NR6A1: variants seen among roughly 807,000 people sequenced by gnomAD.
NR6A1 encodes retinoic acid receptor-related testis-associated receptor.
A neutral mutation model predicts 59.1 loss-of-function variants in NR6A1; 7 were observed. That is an observed-to-expected ratio of 0.12 (90% CI 0.07 to 0.22). The LOEUF (loss-of-function observed/expected upper bound fraction) is 0.22. Among genes scored for constraint, NR6A1 ranks in the 10% least tolerant of loss-of-function variants. The pLI is 1.00. For missense variants in NR6A1, 468 were observed against 611.6 expected (o/e 0.77, Z 2.48); for synonymous variants, 243 against 236.1 (o/e 1.03, Z -0.27).
intron 3 of NR6A1, among the ~76,000 whole-genome samples, chr9:124,546,892 T>C (rs1213194999): frequency 6.6e-6 from 1 of 152,242 alleles, no homozygotes; most frequent in African/African-American, 2.4e-5. Flanking sequence ...CACGCATTTT[T>C]GAGATGAGGA....
chr9:124,635,629 C>G (rs1297948518), intron 2 of NR6A1, among the ~76,000 whole-genome samples: 2 of 152,178 alleles, frequency 1.3e-5, no homozygotes, highest in Non-Finnish European at 2.9e-5. Flanking sequence ...AGTATGTAGC[C>G]TTTTAAGACT....
chr9:124,770,587 C>G (rs1395433667), intron 1 of NR6A1, among the ~76,000 whole-genome samples: 1 of 149,402 alleles, frequency 6.7e-6, no homozygotes, highest in Non-Finnish European at 1.5e-5. Context: ...AGGGGATGCC[C>G]CCACTGACGG....
intron 1 of NR6A1, among the ~76,000 whole-genome samples, chr9:124,762,479 A>T (rs1414468094): frequency 6.6e-6 from 1 of 152,162 alleles, no homozygotes; most frequent in Non-Finnish European, 1.5e-5. Flanking sequence ...TTGTTGTTGA[A>T]GCACAGGCAG....
chr9:124,756,416 T>A (rs1388442350), intron 1 of NR6A1, among the ~76,000 whole-genome samples: 1 of 152,246 alleles, frequency 6.6e-6, no homozygotes, highest in Non-Finnish European at 1.5e-5. Flanking sequence ...CAAATGTTCA[T>A]GTTTACTTTC....
At chr9:124,554,882 T>G (rs1166085854) in intron 2 of NR6A1, among the ~76,000 whole-genome samples, 1 of 152,186 alleles carries the variant, frequency 6.6e-6, no homozygotes, top group Non-Finnish European at 1.5e-5. Context: ...ACCCATCAAT[T>G]CTACCCTGTA....
intron 2 of NR6A1, among the ~76,000 whole-genome samples, chr9:124,672,576 C>G (rs1402403175): frequency 6.6e-6 from 1 of 151,790 alleles, no homozygotes; most frequent in Non-Finnish European, 1.5e-5. Context: ...GATCATGCCA[C>G]TGCACTCCAG....
chr9:124,731,950 G>A (rs9299300), intron 2 of NR6A1, among the ~76,000 whole-genome samples: 17,357 of 152,078 alleles, frequency 0.11, 2,641 homozygotes, highest in African/African-American at 0.34. Context: ...AGGGTCAACC[G>A]TACTATATAC....
chr9:124,708,453 G>T (rs1482712809), intron 2 of NR6A1, among the ~76,000 whole-genome samples: 6 of 152,154 alleles, frequency 3.9e-5, no homozygotes, highest in African/African-American at 1.2e-4. Flanking sequence ...TGGGGAGAGA[G>T]AATTTTTTGA....
At chr9:124,650,381 A>C (rs1221737105) in intron 2 of NR6A1, among the ~76,000 whole-genome samples, 1 of 152,234 alleles carries the variant, frequency 6.6e-6, no homozygotes, top group East Asian at 1.9e-4. Flanking sequence ...GCTTAAAAAA[A>C]AACAACTGAT....
At chr9:124,575,946 A>G (rs1472791443) in intron 2 of NR6A1, among the ~76,000 whole-genome samples, 1 of 152,206 alleles carries the variant, frequency 6.6e-6, no homozygotes, top group Non-Finnish European at 1.5e-5. Context: ...TGTATGAAGG[A>G]GCGCCCAGGA....
chr9:124,595,629 G>T, intron 2 of NR6A1: 1 of 457,894 alleles, frequency 2.2e-6, no homozygotes, highest in Non-Finnish European at 4.2e-6. Flanking sequence ...GCTGAACTCT[G>T]CGAAGACACA....
chr9:124,648,498 T>C (rs945560853), intron 2 of NR6A1, among the ~76,000 whole-genome samples: 6 of 152,190 alleles, frequency 3.9e-5, no homozygotes, highest in African/African-American at 1.4e-4. Context: ...AACTCACAGC[T>C]GGCATCATAC....
At chr9:124,566,661 G>C (rs911980669) in intron 2 of NR6A1, among the ~76,000 whole-genome samples, 7 of 152,188 alleles carry the variant, frequency 4.6e-5, no homozygotes, top group African/African-American at 1.7e-4. Context: ...CTGACCGACT[G>C]GACCACAGAG....
intron 1 of NR6A1, among the ~76,000 whole-genome samples, chr9:124,743,074 T>C (rs1352081741): frequency 6.6e-6 from 1 of 152,182 alleles, no homozygotes; most frequent in African/African-American, 2.4e-5. Flanking sequence ...TGCAGCTTTA[T>C]TTTGGTGGTG....
chr9:124,770,496 G>T (rs774905132), intron 1 of NR6A1, among the ~76,000 whole-genome samples: 1 of 151,568 alleles, frequency 6.6e-6, no homozygotes. Flanking sequence ...CGGGTCAACA[G>T]GGCAAGAAGG....
At chr9:124,669,123 AG>A (rs1392788397) in intron 2 of NR6A1, among the ~76,000 whole-genome samples, 1 of 152,230 alleles carries the variant, frequency 6.6e-6, no homozygotes, top group Non-Finnish European at 1.5e-5. Flanking sequence ...TTCTTCTCAT[AG>A]ATGTATTTCA....
At chr9:124,687,287 A>ATTTATTTATTTATTTATTTATTTAT (rs1564237537) in intron 2 of NR6A1, among the ~76,000 whole-genome samples, 1 of 60,612 alleles carries the variant, frequency 1.6e-5, no homozygotes, top group African/African-American at 1.1e-4. Context: ...CAGCCAGCTA[A>ATTTATTTATTTATTTATTTATTTAT]TTAATTATTT....
chr9:124,651,449 C>T (rs1837102395), intron 2 of NR6A1, among the ~76,000 whole-genome samples: 1 of 152,162 alleles, frequency 6.6e-6, no homozygotes, highest in African/African-American at 2.4e-5. Context: ...GTTAGTTAAC[C>T]ATGTCACATC....
chr9:124,688,285 A>G (rs936468134), intron 2 of NR6A1, among the ~76,000 whole-genome samples: 6 of 152,002 alleles, frequency 3.9e-5, no homozygotes, highest in African/African-American at 1.2e-4. Flanking sequence ...TGACTGCACC[A>G]CTGCACCTCA....
Sources: gnomAD v4.1 joint callset for allele counts (sites outside exome capture counted in the v4.1 genomes callset) on GRCh38, gnomAD v4.1.1 for gene constraint, MANE v1.5 for transcripts, NCBI Gene and HGNC (gene_info 2026-07-23, HGNC 2026-07-21) for gene names.